The following PRKN variants were observed in gnomAD, a reference collection of about 807,000 sequenced individuals.
PRKN encodes parkin RBR E3 ubiquitin protein ligase.
In PRKN, 56 loss-of-function variants were observed where a neutral mutation model predicts 59.5. The ratio of observed to expected loss-of-function variants is 0.94; its 90% confidence interval spans 0.76 to 1.18. The LOEUF is 1.18. PRKN is among the 50% of genes most tolerant of loss of function. The pLI is 0.00. For synonymous variants in PRKN, 250 were observed against 222.1 expected (o/e 1.13, Z -1.12); for missense variants, 657 against 596.4 (o/e 1.10, Z -1.06).
rs1451002743 is a variant in PRKN at position 161,447,172 on chromosome 6, T to G, written c.1084-60295A>C. Among the ~76,000 whole-genome samples, 1 of 152,214 alleles carries G rather than the reference T, an allele frequency of 6.6e-6. No homozygotes were observed. The highest frequency in any genetic ancestry group is 1.5e-5 in the Non-Finnish European group (1 of 68,028). On this transcript the variant is annotated intron_variant, in intron 9 of 11. Coordinates refer to ENST00000366898, the MANE Select transcript of PRKN (RefSeq NM_004562.3). The surrounding 1 kb of genome is among the most constrained non-coding windows in gnomAD (Gnocchi z 4.1). ...TGCTACTAGGACAGTTAAGTCCCCCTGTGAAGTTAACCGAAAGCTGCTTTT... is the reference window on the plus strand; with the variant it reads ...TGCTACTAGGACAGTTAAGTCCCCCGGTGAAGTTAACCGAAAGCTGCTTTT...
chr6:162,720,775 G>A (rs1365854613), intron 1 of PRKN, among the ~76,000 whole-genome samples: 1 of 152,134 alleles, frequency 6.6e-6, no homozygotes, highest in Non-Finnish European at 1.5e-5. Context: ...TATGTGCCTA[G>A]GTATATGAGT....
At chr6:162,429,761 T>C (rs1264471913) in intron 2 of PRKN, among the ~76,000 whole-genome samples, 2 of 152,036 alleles carry the variant, frequency 1.3e-5, no homozygotes, top group Non-Finnish European at 2.9e-5. Flanking sequence ...TTACCACTGC[T>C]CTCCAGGCCT....
intron 5 of PRKN, among the ~76,000 whole-genome samples, chr6:161,977,557 T>G (rs1331053821): frequency 2.0e-5 from 3 of 148,570 alleles, no homozygotes; most frequent in East Asian, 3.9e-4. Context: ...TTTTTTTTTT[T>G]TTTTTTTTAA....
chr6:162,012,853 T>C (rs952381322), intron 5 of PRKN, among the ~76,000 whole-genome samples: 1 of 152,184 alleles, frequency 6.6e-6, no homozygotes, highest in Non-Finnish European at 1.5e-5. Context: ...CTGATGTTTA[T>C]ATTAGGAGAC....
chr6:162,390,276 C>A (rs1299708346), intron 2 of PRKN, among the ~76,000 whole-genome samples: 1 of 151,004 alleles, frequency 6.6e-6, no homozygotes, highest in African/African-American at 2.4e-5. Flanking sequence ...TCAGTTTGTA[C>A]CTAAATTTCT....
intron 2 of PRKN, among the ~76,000 whole-genome samples, chr6:162,387,234 CAA>C (rs34452454): frequency 2.1e-3 from 213 of 101,216 alleles, no homozygotes; most frequent in African/African-American, 6.7e-3. Flanking sequence ...AAAAAATAAG[CAA>C]AAAAAAAAAA....
intron 1 of PRKN, among the ~76,000 whole-genome samples, chr6:162,491,855 G>C (rs1472069131): frequency 6.6e-6 from 1 of 152,184 alleles, no homozygotes; most frequent in Non-Finnish European, 1.5e-5. Flanking sequence ...CTGAGCAAAA[G>C]TATCCTGTCA....
chr6:162,289,408 G>GT (rs200713776), intron 2 of PRKN, among the ~76,000 whole-genome samples: 132 of 151,062 alleles, frequency 8.7e-4, no homozygotes, highest in Non-Finnish European at 1.4e-3. Context: ...CAAAATAGGT[G>GT]TTTTTTTTTA....
In PRKN at chr6:161,840,525, T is replaced by C. The variant is rs114625267; in HGVS notation, c.735-54617A>G. On this transcript the variant is annotated intron_variant, in intron 6 of 11. Transcript: ENST00000366898. ...AGGTAAATGTGGTCATGGGGGTTTG[T>C]TGTACAGATGATTTCATCACCAGGC... Among the ~76,000 whole-genome samples, 201 of 152,296 alleles carry C rather than the reference T, an allele frequency of 1.3e-3. 3 individuals carry two copies. The highest frequency in any genetic ancestry group is 4.4e-3 in the African/African-American group (183 of 41,572).
At chr6:162,011,479 T>A (rs1782707353) in intron 5 of PRKN, among the ~76,000 whole-genome samples, 1 of 16,560 alleles carries the variant, frequency 6.0e-5, no homozygotes, top group African/African-American at 2.6e-4. Flanking sequence ...ATATATAATA[T>A]ATTATAATAT....
At chr6:161,651,115 C>G (rs1041882164) in intron 7 of PRKN, among the ~76,000 whole-genome samples, 2 of 152,140 alleles carry the variant, frequency 1.3e-5, no homozygotes, top group African/African-American at 4.8e-5. Flanking sequence ...TAATGCTTGT[C>G]TTTAAGAAGA....
rs369250534 is a variant in PRKN at position 161,713,741 on chromosome 6, T to C, written c.871+72031A>G. The stretch of plus-strand genomic sequence containing the variant: ...AGGGTGCTCCAGGTTTGTAACACCG[T>C]GGTATGGTTTGACTCTGTCCCCACC... On this transcript the variant is annotated intron_variant, in intron 7 of 11. Coordinates refer to ENST00000366898, the MANE Select transcript of PRKN (RefSeq NM_004562.3). 6.2e-4 allele frequency among the ~76,000 whole-genome samples: 95 copies of C among 152,270 alleles called. 1 individual carries two copies. The highest frequency in any genetic ancestry group is 2.3e-3 in the African/African-American group (94 of 41,552).
chr6:161,950,048 A>C (rs1031012320), intron 6 of PRKN, among the ~76,000 whole-genome samples: 1 of 152,246 alleles, frequency 6.6e-6, no homozygotes, highest in Non-Finnish European at 1.5e-5. Flanking sequence ...TGTTTTGCTC[A>C]ATGAACTGGA....
At chr6:161,744,452 T>C (rs1158718005) in intron 7 of PRKN, among the ~76,000 whole-genome samples, 2 of 152,130 alleles carry the variant, frequency 1.3e-5, no homozygotes, top group Non-Finnish European at 2.9e-5. Flanking sequence ...CTATGGGAGA[T>C]GTGTGCCTCC....
intron 7 of PRKN, among the ~76,000 whole-genome samples, chr6:161,705,120 T>G (rs1030033163): frequency 1.4e-4 from 21 of 152,198 alleles, no homozygotes; most frequent in Admixed American, 3.3e-4. Context: ...GCATGACTGT[T>G]TGATATGCTG....
intron 4 of PRKN, among the ~76,000 whole-genome samples, chr6:162,121,099 G>T (rs1780892950): frequency 6.6e-6 from 1 of 152,036 alleles, no homozygotes; most frequent in Non-Finnish European, 1.5e-5. Context: ...TGCTTGGTCG[G>T]GTCCACATAG....
intron 4 of PRKN, among the ~76,000 whole-genome samples, chr6:162,160,183 T>C (rs756943413): frequency 6.6e-6 from 1 of 152,172 alleles, no homozygotes; most frequent in Non-Finnish European, 1.5e-5. Context: ...ACTCTATAAA[T>C]ACTTTTCAAA....
Position 161,426,050 on chromosome 6 carries a change from C to T in PRKN, c.1084-39173G>A, listed in dbSNP as rs76454888. On this transcript the variant is annotated intron_variant, in intron 9 of 11. Transcript: ENST00000366898. ...ATTAACAAAGATGAGTGATGGCCTC[C>T]CAAGTGGTTAAGGGGGTGCCTGTGT... 2.7e-3 allele frequency among the ~76,000 whole-genome samples: 403 copies of T among 152,026 alleles called. 1 individual carries two copies. Among genetic ancestry groups the T allele is most frequent in the Admixed American group, 3.6e-3 (55 of 15,254 alleles).
At chr6:162,325,963 C>T (rs1783253960) in intron 2 of PRKN, among the ~76,000 whole-genome samples, 1 of 152,102 alleles carries the variant, frequency 6.6e-6, no homozygotes, top group Non-Finnish European at 1.5e-5. Context: ...ATGGTGACGG[C>T]ACACATAATA....
Sources: gnomAD v4.1 joint callset for allele counts (sites outside exome capture counted in the v4.1 genomes callset) on GRCh38, gnomAD v4.1.1 for gene constraint, Gnocchi (gnomAD v3.1) non-coding constraint, MANE v1.5 for transcripts, NCBI Gene and HGNC (gene_info 2026-07-23, HGNC 2026-07-21) for gene names.